Variants in EPHA3 observed in about 807,000 individuals in gnomAD.
The protein encoded by EPHA3 is EPH receptor A3.
Under a neutral mutation model 107.1 loss-of-function variants are expected in EPHA3, and 42 were observed. That is an observed-to-expected ratio of 0.39 (90% CI 0.31 to 0.51). The LOEUF (loss-of-function observed/expected upper bound fraction) is 0.51. EPHA3 is among the 20% of genes least tolerant of loss of function. EPHA3 has a pLI of 0.78. For synonymous variants in EPHA3, 461 were observed against 424.8 expected, an observed-to-expected ratio of 1.09 and a Z score of -1.05; for missense variants, 1,183 against 1,211.2, an observed-to-expected ratio of 0.98 and a Z score of 0.35.
intron 5 of EPHA3, among the ~76,000 whole-genome samples, chr3:89,345,395 C>A (rs1174096802): frequency 6.6e-6 from 1 of 151,198 alleles, no homozygotes. Flanking sequence ...CAATTTCTAT[C>A]AAAAAATTGG....
chr3:89,396,062 T>C, intron 6 of EPHA3, 101 bp downstream of exon 6: 1 of 1,502,446 alleles, frequency 6.7e-7, no homozygotes, highest in South Asian at 1.3e-5. Context: ...TGGTAAATGG[T>C]AGAGCACTGT....
chr3:89,195,198 A>C (rs1705809696), intron 2 of EPHA3, among the ~76,000 whole-genome samples: 1 of 151,966 alleles, frequency 6.6e-6, no homozygotes, highest in Admixed American at 6.6e-5. Context: ...GATTCTACCC[A>C]TATTAAACTT....
chr3:89,289,040 A>G (rs536648627), intron 3 of EPHA3, among the ~76,000 whole-genome samples: 2 of 152,110 alleles, frequency 1.3e-5, no homozygotes, highest in African/African-American at 4.8e-5. Flanking sequence ...CTATGTCTTT[A>G]CCTATACTAA....
chr3:89,344,406 T>C (rs1253381235), intron 5 of EPHA3, among the ~76,000 whole-genome samples: 4 of 152,144 alleles, frequency 2.6e-5, no homozygotes, highest in African/African-American at 9.7e-5. Context: ...TTAAAAAAAA[T>C]CACTAATGTG....
chr3:89,200,814 G>T (rs1705951060), intron 2 of EPHA3, among the ~76,000 whole-genome samples: 1 of 152,166 alleles, frequency 6.6e-6, no homozygotes, highest in South Asian at 2.1e-4. Flanking sequence ...ATATCCCAAA[G>T]ATGTGCCCGT....
chr3:89,140,707 A>G (rs1205696480), intron 2 of EPHA3, among the ~76,000 whole-genome samples: 1 of 151,760 alleles, frequency 6.6e-6, no homozygotes, highest in Non-Finnish European at 1.5e-5. Flanking sequence ...GGTTAAGTGT[A>G]ATAGCATTAT....
intron 5 of EPHA3, among the ~76,000 whole-genome samples, chr3:89,389,565 A>G (rs1481598539): frequency 6.6e-6 from 1 of 152,232 alleles, no homozygotes; most frequent in Non-Finnish European, 1.5e-5. Context: ...GTCCCAATAA[A>G]AACAAATAAA....
At chr3:89,271,726 G>T (rs1705673638) in intron 3 of EPHA3, among the ~76,000 whole-genome samples, 1 of 151,814 alleles carries the variant, frequency 6.6e-6, no homozygotes, top group Non-Finnish European at 1.5e-5. Context: ...AAGCAGAAAA[G>T]AAGAAGGAAA....
At chr3:89,422,677 AT>A (rs1709374388) in intron 11 of EPHA3, among the ~76,000 whole-genome samples, 1 of 151,420 alleles carries the variant, frequency 6.6e-6, no homozygotes, top group Non-Finnish European at 1.5e-5. Flanking sequence ...TTACCAATCA[AT>A]TTGGGTGTAT....
At chr3:89,195,855 C>A (rs1416769742) in intron 2 of EPHA3, among the ~76,000 whole-genome samples, 1 of 152,134 alleles carries the variant, frequency 6.6e-6, no homozygotes, top group Non-Finnish European at 1.5e-5. Context: ...TTAAATCTCA[C>A]GAGTGATGAG....
At chr3:89,337,155 T>A (rs1325063077) in intron 3 of EPHA3, among the ~76,000 whole-genome samples, 1 of 152,194 alleles carries the variant, frequency 6.6e-6, no homozygotes, top group Non-Finnish European at 1.5e-5. Context: ...TTTTCTCACT[T>A]GGAATAGATG....
At chr3:89,132,249 T>C (rs1204106407) in intron 2 of EPHA3, among the ~76,000 whole-genome samples, 1 of 152,194 alleles carries the variant, frequency 6.6e-6, no homozygotes, top group Non-Finnish European at 1.5e-5. Flanking sequence ...AACCTTGATA[T>C]CACTGAACCA....
chr3:89,335,738 T>C lies in EPHA3; in HGVS notation c.815-5178T>C, dbSNP rs117767814. The stretch of plus-strand genomic sequence containing the variant: ...CTTACAAAATGGGAGAAAGCATCTC[T>C]GGAGCCACATAAAAAGGTGGCAATT... On this transcript the variant is annotated intron_variant, in intron 3 of 16. Transcript: ENST00000336596. 2.3e-3 allele frequency among the ~76,000 whole-genome samples: 352 copies of C among 152,326 alleles called. 1 individual carries two copies. The East Asian group carries it at 0.035, about 15-fold the overall frequency.
At chr3:89,478,664 T>C (rs2107580732) in intron 16 of EPHA3, among the ~76,000 whole-genome samples, 1 of 152,298 alleles carries the variant, frequency 6.6e-6, no homozygotes, top group South Asian at 2.1e-4. Context: ...AAGTAGAGGC[T>C]GGCAGTTTCC....
chr3:89,246,811 T>C (rs569053705), intron 3 of EPHA3, among the ~76,000 whole-genome samples: 2 of 152,314 alleles, frequency 1.3e-5, no homozygotes, highest in South Asian at 4.1e-4. Context: ...AATCTTTTTT[T>C]TTATTTTGCT....
rs141485281 is a variant in EPHA3, at chr3:89,333,671, G to A, written c.815-7245G>A. ...GGGAGATCACTAAGGTCAGGAGTTC[G>A]AGACCAGCCTGACCAGTATGGTGAA... On this transcript the variant is annotated intron_variant, in intron 3 of 16. Coordinates refer to ENST00000336596, the MANE Select transcript of EPHA3 (RefSeq NM_005233.6). Among the ~76,000 whole-genome samples, 339 of 152,118 alleles carry A rather than the reference G, an allele frequency of 2.2e-3. 1 individual carries two copies. Among genetic ancestry groups the A allele is most frequent in the African/African-American group, 6.5e-3 (271 of 41,494 alleles).
At chr3:89,324,406 A>G (rs1483168801) in intron 3 of EPHA3, among the ~76,000 whole-genome samples, 2 of 151,894 alleles carry the variant, frequency 1.3e-5, no homozygotes, top group Non-Finnish European at 2.9e-5. Context: ...CCTGAACTCA[A>G]GTGATCCACC....
chr3:89,124,127 T>C (rs1704033112), intron 1 of EPHA3, among the ~76,000 whole-genome samples: 1 of 152,192 alleles, frequency 6.6e-6, no homozygotes, highest in African/African-American at 2.4e-5. Context: ...TATATTTGTA[T>C]GTCACAACTC....
intron 3 of EPHA3, among the ~76,000 whole-genome samples, chr3:89,307,833 A>G (rs1706663334): frequency 6.6e-6 from 1 of 152,172 alleles, no homozygotes; most frequent in Admixed American, 6.5e-5. Context: ...GATTACAGAC[A>G]TGAGTCACTG....
Sources: gnomAD v4.1 joint callset for allele counts (sites outside exome capture counted in the v4.1 genomes callset) on GRCh38, gnomAD v4.1.1 for gene constraint, MANE v1.5 for transcripts, NCBI Gene and HGNC (gene_info 2026-07-23, HGNC 2026-07-21) for gene names.